The following UBAC1 variants were observed in gnomAD, a reference collection of about 807,000 sequenced individuals.
The protein encoded by UBAC1 is ubiquitin-associated domain-containing protein 1.
Under a neutral mutation model 45.9 loss-of-function variants are expected in UBAC1, and 27 were observed. That is an observed-to-expected ratio of 0.59 (90% CI 0.43 to 0.81). The LOEUF is 0.81. UBAC1 is among the 30% of genes least tolerant of loss of function. The pLI is 0.00. For synonymous variants in UBAC1, 227 were observed against 215.5 expected (o/e 1.05, Z -0.47); for missense variants, 529 against 539.2 (o/e 0.98, Z 0.19).
intron 7 of UBAC1, among the ~76,000 whole-genome samples, chr9:135,942,617 C>T (rs1297257769): frequency 2.0e-5 from 3 of 149,840 alleles, no homozygotes; most frequent in African/African-American, 7.4e-5. Context: ...GTGCCACCGC[C>T]ACTCCAGCCT....
chr9:135,947,728 G>T, intron 4 of UBAC1, 70 bp downstream of exon 4: 1 of 1,336,822 alleles, frequency 7.5e-7, no homozygotes. Flanking sequence ...CCGCCCCGCA[G>T]GAACCCCCCC....
chr9:135,943,969 A>G (rs943953230), intron 7 of UBAC1, among the ~76,000 whole-genome samples: 1 of 152,130 alleles, frequency 6.6e-6, no homozygotes, highest in African/African-American at 2.4e-5. Context: ...GGGGCCCATC[A>G]GGGGGTCTGG....
rs187221073 is a variant in UBAC1 at position 135,941,671 on chromosome 9, G to A, written c.877-1912C>T. Among the ~76,000 whole-genome samples the A allele has an allele frequency of 4.0e-3, 612 of 152,230 alleles. 6 individuals are homozygous for A. Among genetic ancestry groups the A allele is most frequent in the Non-Finnish European group, 5.5e-3 (373 of 68,004 alleles). Reference sequence around the variant, plus strand: ...AGTACTCCCAAGGCAACACCTGGCAGTCCCTGCCCTCCCTCCCAGCCCATG... The same window carrying A: ...AGTACTCCCAAGGCAACACCTGGCAATCCCTGCCCTCCCTCCCAGCCCATG... On this transcript the variant is annotated intron_variant, in intron 7 of 9. Transcript: ENST00000371756.
chr9:135,936,187 G>GA lies in UBAC1; in HGVS notation c.1102+2034dup, dbSNP rs768592795. 8.7e-4 allele frequency among the ~76,000 whole-genome samples: 128 copies of GA among 147,202 alleles called. No individual in the cohort carries two copies. The East Asian group carries it at 0.017, about 19-fold the overall frequency. On this transcript the variant is annotated intron_variant, in intron 9 of 9. Coordinates refer to ENST00000371756, the MANE Select transcript of UBAC1 (RefSeq NM_016172.3). Reference sequence around the variant, plus strand: ...CAGAGAAAGAGCCTATTTCTATTAGGAAAAAAAAAAGAAAAAGTTATTGGA... The same window carrying GA: ...CAGAGAAAGAGCCTATTTCTATTAGGAAAAAAAAAAAGAAAAAGTTATTGGA...
At chr9:135,950,060 G>A (rs1459085745) in intron 3 of UBAC1, among the ~76,000 whole-genome samples, 3 of 152,180 alleles carry the variant, frequency 2.0e-5, no homozygotes, top group South Asian at 2.1e-4. Flanking sequence ...TCTGCCAACC[G>A]CCGGAAGACC....
intron 1 of UBAC1, among the ~76,000 whole-genome samples, chr9:135,957,901 A>C (rs1369589517): frequency 6.7e-6 from 1 of 150,140 alleles, no homozygotes; most frequent in Admixed American, 6.7e-5. Flanking sequence ...CAGCCTCCTG[A>C]GTAGGTGGGA....
chr9:135,938,950 T>C (rs1048632988), intron 8 of UBAC1, among the ~76,000 whole-genome samples: 6 of 152,204 alleles, frequency 3.9e-5, no homozygotes, highest in African/African-American at 1.4e-4. Context: ...GGCTCATGCA[T>C]GTAATCCCAG....
chr9:135,946,355 C>T lies in UBAC1; in HGVS notation c.458G>A (p.Arg153Gln), dbSNP rs747834943. ...CTCGATGAGAGACACCAGTATCTTC[C>T]GGAGTTCTGTCTGGAACTGTGGTGA... ...TNMRDFQTEL[R>Q]KILVSLIEVA... The change falls in exon 5 of 10, where the codon CGG (arginine) becomes CAG (glutamine). Residue 153 changes from arginine to glutamine, a missense_variant. Physicochemically the swap from Arg to Gln is conservative, Grantham distance 43. Transcript: ENST00000371756. 26 of 1,613,030 alleles carry T rather than the reference C, an allele frequency of 1.6e-5. No individual in the cohort carries two copies. The highest frequency in any genetic ancestry group is 4.5e-5 in the East Asian group (2 of 44,896).
rs536127245 is a variant in UBAC1, at chr9:135,933,576, C to G, written c.1103-61G>C. ...CCCCCACTCAGCCCACAGGCACAGG[C>G]GTGACTTTCCTCTTCGGCAGCTTCC... On this transcript the variant is annotated intron_variant, in intron 9 of 9. Coordinates refer to ENST00000371756, the MANE Select transcript of UBAC1 (RefSeq NM_016172.3). 21 of 1,241,856 alleles carry G rather than the reference C, an allele frequency of 1.7e-5. No individual in the cohort carries two copies. The South Asian group carries it at 2.4e-4, about 14-fold the overall frequency. The allele number at this position is 1,241,856 out of a possible 1,614,324, so 76.9% of individuals were successfully genotyped here.
chr9:135,960,945 G>C, intron 1 of UBAC1, 80 bp downstream of exon 1: 1 of 1,312,686 alleles, frequency 7.6e-7, no homozygotes, highest in Non-Finnish European at 1.0e-6. Context: ...AGGTCGGGGC[G>C]GTTCGGGGAC....
intron 7 of UBAC1, among the ~76,000 whole-genome samples, chr9:135,942,560 T>G (rs765762757): frequency 1.1e-4 from 17 of 148,884 alleles, no homozygotes; most frequent in African/African-American, 4.2e-4. Flanking sequence ...GAGGCTGAAG[T>G]AGCATCATTT....
rs546682721 is a variant in UBAC1, at chr9:135,936,895, G to C, written c.1102+1327C>G. 1.1e-3 allele frequency among the ~76,000 whole-genome samples: 164 copies of C among 152,182 alleles called. 1 individual carries two copies. The highest frequency in any genetic ancestry group is 2.2e-3 in the Admixed American group (34 of 15,282). On this transcript the variant is annotated intron_variant, in intron 9 of 9. Transcript: ENST00000371756. ...CCCATCAGTGTGAGGAAATAAACCA[G>C]AAACTGAACAACGGCATCTGCAACA...
intron 3 of UBAC1, among the ~76,000 whole-genome samples, chr9:135,949,107 C>G (rs1343431912): frequency 6.6e-6 from 1 of 150,968 alleles, no homozygotes; most frequent in Non-Finnish European, 1.5e-5. Flanking sequence ...AGTGAGGAGT[C>G]AGCAGGGAAG....
Position 135,938,175 on chromosome 9 carries a change from A to G in UBAC1, c.1102+47T>C, listed in dbSNP as rs568746275. ...CACCTATTTGTCCTGCAAGGGAACC[A>G]GCCAGCCTCCCCGACCCGAGACTTA... On this transcript the variant is annotated intron_variant, in intron 9 of 9. Transcript: ENST00000371756. 3.9e-5 allele frequency: 63 copies of G among 1,600,544 alleles called. 2 individuals are homozygous for G. The South Asian group carries it at 6.6e-4, about 17-fold the overall frequency.
In UBAC1 at chr9:135,953,421, A is replaced by G. The variant is rs541150905; in HGVS notation, c.333+259T>C. 3.6e-4 allele frequency among the ~76,000 whole-genome samples: 55 copies of G among 152,086 alleles called. 1 individual carries two copies. In the South Asian group the frequency reaches 0.011, roughly 30 times the overall value. On this transcript the variant is annotated intron_variant, in intron 3 of 9. Coordinates refer to ENST00000371756, the MANE Select transcript of UBAC1 (RefSeq NM_016172.3). Reference sequence around the variant, plus strand: ...AACCTCTGCCTCCCGGGTTCAAGAGATTCTCCTGCCTCAGCCTCCTGAGCT... The same window carrying G: ...AACCTCTGCCTCCCGGGTTCAAGAGGTTCTCCTGCCTCAGCCTCCTGAGCT...
intron 8 of UBAC1, among the ~76,000 whole-genome samples, chr9:135,938,739 G>C (rs1478201219): frequency 6.6e-6 from 1 of 151,092 alleles, no homozygotes; most frequent in African/African-American, 2.4e-5. Context: ...AGCAGTGCTG[G>C]AGCCATGAGG....
intron 3 of UBAC1, among the ~76,000 whole-genome samples, chr9:135,951,186 C>G (rs1193554813): frequency 6.6e-6 from 1 of 152,124 alleles, no homozygotes; most frequent in Non-Finnish European, 1.5e-5. Context: ...CTCAAGTGAT[C>G]CTCCCACCTC....
intron 9 of UBAC1, among the ~76,000 whole-genome samples, chr9:135,937,100 G>A (rs1430245419): frequency 2.0e-5 from 3 of 152,126 alleles, no homozygotes; most frequent in East Asian, 3.9e-4. Context: ...CACGGCCATC[G>A]CAGCTCCAGA....
At chr9:135,938,460 T>A (rs1839225657) in intron 8 of UBAC1, 100 bp from the exon 9 acceptor site, 1 of 1,457,794 alleles carries the variant, frequency 6.9e-7, no homozygotes. Context: ...TTTCTGTGAG[T>A]TCCTGTTGAG....
Sources: gnomAD v4.1 joint callset for allele counts (sites outside exome capture counted in the v4.1 genomes callset) on GRCh38, gnomAD v4.1.1 for gene constraint, MANE v1.5 for transcripts, NCBI Gene and HGNC (gene_info 2026-07-23, HGNC 2026-07-21) for gene names.